Variants in EDARADD observed in about 807,000 individuals in gnomAD.
The protein encoded by EDARADD is ectodysplasin-A receptor-associated adapter protein.
EDARADD carries 20 observed loss-of-function variants against 25.6 expected under a neutral mutation model. The ratio of observed to expected loss-of-function variants is 0.78; its 90% CI spans 0.55 to 1.14. EDARADD has a LOEUF of 1.14. EDARADD is among the 50% of genes most tolerant of loss of function. EDARADD has a pLI of 0.00. For synonymous variants in EDARADD, 86 were observed against 94.4 expected, an observed-to-expected ratio of 0.91 and a Z score of 0.52; for missense variants, 225 against 270.1, an observed-to-expected ratio of 0.83 and a Z score of 1.17.
At position 236,458,641 on chromosome 1, in the gene EDARADD, C is replaced by CTTT. The variant is rs5781887; in HGVS notation, c.220-9573_220-9571dup. Among the ~76,000 whole-genome samples the CTTT allele has an allele frequency of 9.0e-4, 102 of 113,536 alleles. 5 individuals are homozygous for CTTT. The highest frequency in any genetic ancestry group is 2.7e-3 in the African/African-American group (83 of 30,400). 74.5% of individuals were successfully genotyped at this position (113,536 alleles called of 152,430 possible). A position where few individuals can be genotyped will look rare whatever the true frequency, so the allele number is the denominator to read the frequency against. On this transcript the variant is annotated intron_variant, in intron 4 of 5. Coordinates refer to ENST00000334232, the MANE Select transcript of EDARADD (RefSeq NM_145861.4). ...TGTGTTTTTGGTATTTTTTCTTTTT[C>CTTT]TTTTTTTTTTTTTTTTTTTGAGACG...
At chr1:236,377,614 C>CT (rs1235057246) in intron 3 of EDARADD, among the ~76,000 whole-genome samples, 4 of 151,372 alleles carry the variant, frequency 2.6e-5, no homozygotes. Context: ...AATCCCAGCA[C>CT]TTTGGGAGGC....
chr1:236,409,236 G>A lies in EDARADD; in HGVS notation c.82G>A (p.Val28Met). Residue 28 changes from valine to methionine, a missense_variant, in exon 2 of 6, where the codon GTG becomes ATG. Val to Met is a conservative substitution (Grantham distance 21). Transcript: ENST00000334232. ...HQEDHMVKEP[V>M]EDTDPSTLSF... Reference sequence around the variant, plus strand: ...TACAGATCATATGGTAAAGGAACCAGTGGAAGACACAGACCCTAGCACTTT... The same window carrying A: ...TACAGATCATATGGTAAAGGAACCAATGGAAGACACAGACCCTAGCACTTT... 1 of 1,613,318 alleles carries A rather than the reference G, an allele frequency of 6.2e-7. No individual in the cohort carries two copies. The highest frequency in any genetic ancestry group is 1.1e-5 in the South Asian group (1 of 90,920).
intron 3 of EDARADD, among the ~76,000 whole-genome samples, chr1:236,357,397 A>G (rs941300109): frequency 2.6e-5 from 4 of 152,158 alleles, no homozygotes; most frequent in Admixed American, 2.6e-4. Flanking sequence ...TCTGCGGGCT[A>G]TACAAGAAAC....
At chr1:236,424,650 T>C (rs1034764835) in intron 3 of EDARADD, among the ~76,000 whole-genome samples, 4 of 152,174 alleles carry the variant, frequency 2.6e-5, no homozygotes, top group African/African-American at 9.7e-5. Flanking sequence ...TGCTCTCATA[T>C]AGTTTAAAAA....
At position 236,483,771 on chromosome 1, in the gene EDARADD, G is replaced by C; in HGVS notation, c.*1122G>C. On this transcript the variant is annotated 3_prime_UTR_variant, in exon 6 of 6. Transcript: ENST00000334232. ...TGTCATCAAGGAGAAATATGGGAAAGATGCCACCGGTGTGGGGGATGGAGG... is the reference window on the plus strand; with the variant it reads ...TGTCATCAAGGAGAAATATGGGAAACATGCCACCGGTGTGGGGGATGGAGG... 1 of 1,479,916 alleles carries C rather than the reference G, an allele frequency of 6.8e-7. No homozygotes were observed. Among genetic ancestry groups the C allele is most frequent in the Non-Finnish European group, 9.4e-7 (1 of 1,059,684 alleles). The allele number at this position is 1,479,916 out of a possible 1,614,324, so 91.7% of individuals were successfully genotyped here. A position where few individuals can be genotyped will look rare whatever the true frequency, so the allele number is the denominator to read the frequency against.
chr1:236,464,739 T>C (rs1370344428), intron 4 of EDARADD, among the ~76,000 whole-genome samples: 1 of 152,016 alleles, frequency 6.6e-6, no homozygotes, highest in Non-Finnish European at 1.5e-5. Context: ...GGCCATTTGC[T>C]GCAACTTTTG....
chr1:236,381,016 T>G (rs771970816), intron 3 of EDARADD, among the ~76,000 whole-genome samples: 4 of 152,210 alleles, frequency 2.6e-5, no homozygotes, highest in Non-Finnish European at 5.9e-5. Flanking sequence ...AGCAAAAGAA[T>G]GAACATGTCC....
At chr1:236,370,146 C>CA (rs1667158642) in intron 3 of EDARADD, among the ~76,000 whole-genome samples, 1 of 152,084 alleles carries the variant, frequency 6.6e-6, no homozygotes, top group Non-Finnish European at 1.5e-5. Context: ...ATTGGCCAGG[C>CA]ACGGTGGCTC....
At chr1:236,378,759 G>C (rs2102995465) in intron 3 of EDARADD, among the ~76,000 whole-genome samples, 1 of 152,226 alleles carries the variant, frequency 6.6e-6, no homozygotes, top group East Asian at 1.9e-4. Context: ...ACCTACTGAA[G>C]TTTTAGATAC....
rs1667491998 is a variant in EDARADD at position 236,395,225 on chromosome 1, C to A, written c.61+720C>A. 6.6e-6 allele frequency among the ~76,000 whole-genome samples: 1 copy of A among 152,150 alleles called. No homozygotes were observed. The highest frequency in any genetic ancestry group is 1.5e-5 in the Non-Finnish European group (1 of 68,024). On this transcript the variant is annotated intron_variant, in intron 1 of 5. Coordinates refer to ENST00000334232, the MANE Select transcript of EDARADD (RefSeq NM_145861.4). This position sits in a 1 kb window ranked among gnomAD's most constrained non-coding sequence, Gnocchi z 6.9. ...CTCGCAGTCTGTCCCGGGCGGCAGT[C>A]GTGTCAGCCCCCCGCTAGGACCCGC...
chr1:236,411,703 C>T lies in EDARADD; in HGVS notation c.120+2429C>T, dbSNP rs143538629. 2.3e-3 allele frequency among the ~76,000 whole-genome samples: 354 copies of T among 152,176 alleles called. 2 individuals are homozygous for T. Among genetic ancestry groups the T allele is most frequent in the African/African-American group, 7.8e-3 (324 of 41,532 alleles). Reference sequence around the variant, plus strand: ...AGCTGGGATTACAGGTGCCCACCAACGGGCCTGGCTAATTTTTTTGTATTT... The same window carrying T: ...AGCTGGGATTACAGGTGCCCACCAATGGGCCTGGCTAATTTTTTTGTATTT... On this transcript the variant is annotated intron_variant, in intron 2 of 5. Transcript: ENST00000334232.
At chr1:236,406,562 C>T (rs1307832828) in intron 1 of EDARADD, among the ~76,000 whole-genome samples, 2 of 152,192 alleles carry the variant, frequency 1.3e-5, no homozygotes, top group Non-Finnish European at 2.9e-5. Context: ...TAACACAGTG[C>T]TATTTGTGTG....
chr1:236,464,659 C>T (rs1385552751), intron 4 of EDARADD, among the ~76,000 whole-genome samples: 7 of 152,012 alleles, frequency 4.6e-5, no homozygotes, highest in Non-Finnish European at 1.0e-4. Flanking sequence ...TCTCAAACTC[C>T]TGACCTCGGG....
At chr1:236,470,048 C>T (rs1659317936) in intron 5 of EDARADD, among the ~76,000 whole-genome samples, 1 of 152,078 alleles carries the variant, frequency 6.6e-6, no homozygotes, top group South Asian at 2.1e-4. Flanking sequence ...CCTCCCACCT[C>T]AGCCATCCAA....
At chr1:236,356,033 G>A (rs1226892436) in intron 3 of EDARADD, among the ~76,000 whole-genome samples, 1 of 152,138 alleles carries the variant, frequency 6.6e-6, no homozygotes, top group East Asian at 1.9e-4. Flanking sequence ...AAACTCATCA[G>A]TGTCTGCCTG....
At chr1:236,482,093 C>T (rs1339308979) in intron 5 of EDARADD, among the ~76,000 whole-genome samples, 174 bp from the exon 6 acceptor site, 7 of 132,880 alleles carry the variant, frequency 5.3e-5, no homozygotes, top group East Asian at 2.1e-4. Flanking sequence ...CCAGCCTGGG[C>T]GAAAGAGCGA....
At chr1:236,439,288 A>G (rs1270500691) in intron 4 of EDARADD, among the ~76,000 whole-genome samples, 3 of 152,184 alleles carry the variant, frequency 2.0e-5, no homozygotes, top group South Asian at 2.1e-4. Flanking sequence ...AGTTTTGGCA[A>G]TTGTAAACAA....
intron 5 of EDARADD, among the ~76,000 whole-genome samples, chr1:236,478,412 G>GATAT (rs541779513): frequency 1.4e-5 from 2 of 139,724 alleles, no homozygotes; most frequent in Admixed American, 7.2e-5. Context: ...TATATAAATG[G>GATAT]ATATATATAT....
At chr1:236,440,471 T>C (rs1008387352) in intron 4 of EDARADD, among the ~76,000 whole-genome samples, 1 of 152,226 alleles carries the variant, frequency 6.6e-6, no homozygotes, top group Non-Finnish European at 1.5e-5. Context: ...AACTGATACC[T>C]TGACAACATT....
Sources: allele counts gnomAD v4.1 joint callset (sites outside exome capture counted in the v4.1 genomes callset), GRCh38; gene constraint gnomAD v4.1.1; non-coding constraint Gnocchi (gnomAD v3.1); transcripts MANE v1.5; gene names NCBI Gene and HGNC (gene_info 2026-07-23, HGNC 2026-07-21).